The following AGMO variants were observed in gnomAD, a reference collection of about 807,000 sequenced individuals.
The protein encoded by AGMO is glyceryl-ether monooxygenase.
A neutral mutation model predicts 60.2 loss-of-function variants in AGMO; 75 were observed. The ratio of observed to expected loss-of-function variants is 1.25; its 90% CI spans 1.03 to 1.51. AGMO has a LOEUF of 1.51. Among genes scored for constraint, AGMO ranks in the 40% most tolerant of loss-of-function variants. The pLI, the probability that AGMO is intolerant of heterozygous loss-of-function variation, is 0.00. For synonymous variants in AGMO, 261 were observed against 177.1 expected, an observed-to-expected ratio of 1.47 and a Z score of -3.76; for missense variants, 763 against 525.5, an observed-to-expected ratio of 1.45 and a Z score of -4.42.
chr7:15,311,001 G>A (rs1398120821), intron 12 of AGMO, among the ~76,000 whole-genome samples: 2 of 152,122 alleles, frequency 1.3e-5, no homozygotes, highest in Admixed American at 6.5e-5. Flanking sequence ...ACTTCTGACG[G>A]CATGAGGCCC....
chr7:15,156,396 G>A, the AGMO span, among the ~76,000 whole-genome samples: 2 of 152,138 alleles, frequency 1.3e-5, no homozygotes, highest in Non-Finnish European at 2.9e-5. Flanking sequence ...CCCCTCCCAC[G>A]GGCAAGACAC....
intron 3 of AGMO, among the ~76,000 whole-genome samples, chr7:15,447,480 T>C (rs113721933): frequency 8.5e-5 from 13 of 152,342 alleles, no homozygotes; most frequent in South Asian, 4.1e-4. Context: ...AGTGCTATTA[T>C]AGAAGCAAGA....
At chr7:15,331,085 G>A (rs750287420) in intron 12 of AGMO, among the ~76,000 whole-genome samples, 1 of 152,106 alleles carries the variant, frequency 6.6e-6, no homozygotes, top group Non-Finnish European at 1.5e-5. Context: ...CAATCAAGCA[G>A]AGAGATCTAT....
chr7:15,407,394 G>A (rs1485373425), intron 5 of AGMO, among the ~76,000 whole-genome samples: 2 of 151,266 alleles, frequency 1.3e-5, no homozygotes, highest in African/African-American at 4.8e-5. Context: ...GAAATGTATA[G>A]GATTTCCATT....
intron 12 of AGMO, among the ~76,000 whole-genome samples, chr7:15,300,268 A>G (rs114211710): frequency 0.024 from 3,583 of 147,022 alleles, 140 homozygotes; most frequent in African/African-American, 0.091. Context: ...TTGCTAGCAA[A>G]TAAGTCTACT....
At chr7:15,146,726 G>A in the AGMO span, among the ~76,000 whole-genome samples, 3 of 152,102 alleles carry the variant, frequency 2.0e-5, no homozygotes, top group Non-Finnish European at 4.4e-5. Context: ...CTTTTTGGAG[G>A]ACAAATGCTT....
In AGMO at chr7:15,379,304, T is replaced by C. The variant is rs543268076; in HGVS notation, c.1074+6142A>G. On this transcript the variant is annotated intron_variant, in intron 10 of 12. Transcript: ENST00000342526. ...AAGGAGATTGAGACATGAAAAACCA[T>C]TGGAAAGATCAACAAATCCAGGAGC... 4.6e-5 allele frequency among the ~76,000 whole-genome samples: 7 copies of C among 152,148 alleles called. No individual in the cohort carries two copies. In the East Asian group the frequency reaches 5.8e-4, roughly 13 times the overall value.
Position 15,373,497 on chromosome 7 carries a change from G to A in AGMO, c.1075-7275C>T, listed in dbSNP as rs193228035. The stretch of plus-strand genomic sequence containing the variant: ...TGTTACTTAATCAATGAATGTGTGG[G>A]AATTCTTCTTTTGCCCACAGATATT... On this transcript the variant is annotated intron_variant, in intron 10 of 12. Coordinates refer to ENST00000342526, the MANE Select transcript of AGMO (RefSeq NM_001004320.2). 3.5e-3 allele frequency among the ~76,000 whole-genome samples: 530 copies of A among 152,152 alleles called. 2 individuals carry two copies. The highest frequency in any genetic ancestry group is 5.5e-3 in the Non-Finnish European group (371 of 68,004).
rs1284045181 is a variant in AGMO, at chr7:15,342,265, G to C, written c.1263+23249C>G. On this transcript the variant is annotated intron_variant, in intron 12 of 12. Transcript: ENST00000342526. ...AAAGAAGTCTCTAGCAGCTGAGAAA[G>C]CCATGGTCAGCAAGGGAGGAGTAAA... is the stretch of plus-strand genomic sequence containing the variant. Among the ~76,000 whole-genome samples, 4 of 148,942 alleles carry C rather than the reference G, an allele frequency of 2.7e-5. No homozygotes were observed. In the East Asian group the frequency reaches 6.0e-4, roughly 22 times the overall value.
the AGMO span, among the ~76,000 whole-genome samples, chr7:15,187,180 C>A: frequency 6.6e-6 from 1 of 152,222 alleles, no homozygotes; most frequent in Admixed American, 6.5e-5. Context: ...ATGTTTCTTG[C>A]TTTTAAAATA....
At chr7:15,277,980 C>G (rs1783847935) in intron 12 of AGMO, among the ~76,000 whole-genome samples, 2 of 152,118 alleles carry the variant, frequency 1.3e-5, no homozygotes, top group Non-Finnish European at 1.5e-5. Flanking sequence ...GGGGTCTGTA[C>G]AAGTTTTACA....
In AGMO at chr7:15,337,140, T is replaced by G. The variant is rs180905297; in HGVS notation, c.1263+28374A>C. On this transcript the variant is annotated intron_variant, in intron 12 of 12. Coordinates refer to ENST00000342526, the MANE Select transcript of AGMO (RefSeq NM_001004320.2). ...CCGTGGGATAAGGAGCAAGGACTTT[T>G]GAATGAGGAAGAAGTTTATATTGCA... 9.2e-5 allele frequency among the ~76,000 whole-genome samples: 14 copies of G among 152,280 alleles called. No homozygotes were observed. In the East Asian group the frequency reaches 2.5e-3, roughly 27 times the overall value.
At position 15,292,404 on chromosome 7, in the gene AGMO, C is replaced by T. The variant is rs111934437; in HGVS notation, c.1263+73110G>A. Among the ~76,000 whole-genome samples, 882 of 152,100 alleles carry T rather than the reference C, an allele frequency of 5.8e-3. 2 individuals carry two copies. The highest frequency in any genetic ancestry group is 0.018 in the African/African-American group (763 of 41,508). ...GTTCTAGTGGGCTGAATGGCTGACG[C>T]GTTTGGGTGATAAGAGCAAGGAAAA... On this transcript the variant is annotated intron_variant, in intron 12 of 12. Coordinates refer to ENST00000342526, the MANE Select transcript of AGMO (RefSeq NM_001004320.2).
chr7:15,139,198 C>T, the AGMO span, among the ~76,000 whole-genome samples: 18 of 152,202 alleles, frequency 1.2e-4, no homozygotes, highest in East Asian at 7.7e-4. Flanking sequence ...TTCTCTAAAA[C>T]GGTATTATGG....
chr7:15,190,175 ATATATATT>A, the AGMO span, among the ~76,000 whole-genome samples: 1 of 11,222 alleles, frequency 8.9e-5, no homozygotes, highest in Non-Finnish European at 2.4e-4. Flanking sequence ...ATATATATAT[ATATATATT>A]TATATATATA....
In AGMO at chr7:15,319,565, T is replaced by A. The variant is rs1362458546; in HGVS notation, c.1263+45949A>T. ...GTTGAATTAAAGTTACCTGAATTGCTAGAAATTTTGGCAATGGTAATTTAC... is the reference window on the plus strand; with the variant it reads ...GTTGAATTAAAGTTACCTGAATTGCAAGAAATTTTGGCAATGGTAATTTAC... On this transcript the variant is annotated intron_variant, in intron 12 of 12. Transcript: ENST00000342526. Among the ~76,000 whole-genome samples, 3 of 152,126 alleles carry A rather than the reference T, an allele frequency of 2.0e-5. No homozygotes were observed. The South Asian group carries it at 6.2e-4, about 32-fold the overall frequency.
At chr7:15,442,621 CAGG>C (rs1177260499) in intron 3 of AGMO, among the ~76,000 whole-genome samples, 1 of 152,014 alleles carries the variant, frequency 6.6e-6, no homozygotes, top group African/African-American at 2.4e-5. Context: ...TATAGTGATA[CAGG>C]AGGAGGGCAG....
intron 12 of AGMO, among the ~76,000 whole-genome samples, chr7:15,218,855 T>C (rs901515191): frequency 6.6e-6 from 1 of 152,076 alleles, no homozygotes; most frequent in African/African-American, 2.4e-5. Context: ...TTTCAACATA[T>C]TTGGAATTAA....
intron 3 of AGMO, among the ~76,000 whole-genome samples, chr7:15,544,044 A>G (rs1013465695): frequency 6.6e-6 from 1 of 152,134 alleles, no homozygotes; most frequent in Non-Finnish European, 1.5e-5. Flanking sequence ...TCAGCCATAA[A>G]AAGGAATGAA....
Sources: gnomAD v4.1 joint callset for allele counts (sites outside exome capture counted in the v4.1 genomes callset) on GRCh38, gnomAD v4.1.1 for gene constraint, MANE v1.5 for transcripts, NCBI Gene and HGNC (gene_info 2026-07-23, HGNC 2026-07-21) for gene names.